Variants in TBC1D14 observed in about 807,000 individuals in gnomAD.
TBC1D14 encodes TBC1 domain family member 14.
Under a neutral mutation model 79.0 loss-of-function variants are expected in TBC1D14, and 26 were observed. The ratio of observed to expected loss-of-function variants is 0.33; its 90% CI spans 0.24 to 0.46. TBC1D14 has a LOEUF of 0.46. Ranked by LOEUF, TBC1D14 falls within the 20% of genes least tolerant of loss-of-function variation. TBC1D14 has a pLI of 1.00. For missense variants in TBC1D14, 769 were observed against 887.6 expected (o/e 0.87, Z 1.70); for synonymous variants, 394 against 349.9 (o/e 1.13, Z -1.40).
chr4:6,915,586 G>A (rs890575190), intron 1 of TBC1D14, among the ~76,000 whole-genome samples: 2 of 152,150 alleles, frequency 1.3e-5, no homozygotes, highest in African/African-American at 4.8e-5. Flanking sequence ...TTCCTCCTCT[G>A]GGTAATGGGC....
intron 3 of TBC1D14, chr4:6,987,107 C>T (rs1717918622): frequency 8.6e-7 from 1 of 1,162,988 alleles, no homozygotes; most frequent in Non-Finnish European, 1.1e-6. Flanking sequence ...CCCCTCGCCG[C>T]TCATCAGCCC....
At chr4:7,027,552 ACAC>A (rs773978479) in intron 13 of TBC1D14, among the ~76,000 whole-genome samples, 56 of 142,522 alleles carry the variant, frequency 3.9e-4, no homozygotes, top group Non-Finnish European at 4.0e-4. Context: ...CAATCACCAC[ACAC>A]CACAATCACC....
rs1316493372 is a variant in TBC1D14, at chr4:7,032,342, C to A, written c.*1950C>A. 6.6e-6 allele frequency: 1 copy of A among 152,654 alleles called. No individual in the cohort carries two copies. The highest frequency in any genetic ancestry group is 2.4e-5 in the African/African-American group (1 of 41,452). 9.5% of individuals were successfully genotyped at this position (152,654 alleles called of 1,614,324 possible). A position where few individuals can be genotyped will look rare whatever the true frequency, so the allele number is the denominator to read the frequency against. On this transcript the variant is annotated 3_prime_UTR_variant, in exon 14 of 14. Coordinates refer to ENST00000409757, the MANE Select transcript of TBC1D14 (RefSeq NM_020773.3). Reference sequence around the variant, plus strand: ...CCTTAAAGATGTATATATTTTCTTACTGTACATAAAGATGTTCCTTAAGTC... The same window carrying A: ...CCTTAAAGATGTATATATTTTCTTAATGTACATAAAGATGTTCCTTAAGTC...
chr4:6,949,682 CAA>C (rs10657086), intron 2 of TBC1D14, among the ~76,000 whole-genome samples: 11 of 138,432 alleles, frequency 7.9e-5, no homozygotes, highest in African/African-American at 2.9e-4. Context: ...GACTCCGTCT[CAA>C]AAAAAAAAAA....
intron 2 of TBC1D14, among the ~76,000 whole-genome samples, chr4:6,948,563 G>C (rs954927459): frequency 1.4e-5 from 2 of 147,604 alleles, no homozygotes; most frequent in Non-Finnish European, 3.0e-5. Flanking sequence ...TGGCGTGTGC[G>C]TGCCTGGGGG....
chr4:7,010,519 G>T, intron 10 of TBC1D14, 134 bp from the exon 11 acceptor site: 1 of 1,083,862 alleles, frequency 9.2e-7, no homozygotes, highest in Non-Finnish European at 1.3e-6. Flanking sequence ...TCAGCGTTGG[G>T]TGGCCGGAGG....
chr4:7,019,333 A>G (rs774653531), intron 12 of TBC1D14, among the ~76,000 whole-genome samples: 1 of 152,048 alleles, frequency 6.6e-6, no homozygotes, highest in Non-Finnish European at 1.5e-5. Flanking sequence ...GTTCCCATTT[A>G]AAAGGAAAGG....
At chr4:6,976,543 T>C (rs1013624672) in intron 3 of TBC1D14, among the ~76,000 whole-genome samples, 42 of 152,312 alleles carry the variant, frequency 2.8e-4, no homozygotes, top group Admixed American at 2.6e-3. Context: ...AAAAGAACTG[T>C]CAACCCAAAT....
intron 3 of TBC1D14, among the ~76,000 whole-genome samples, chr4:6,990,970 G>T (rs1718430769): frequency 6.6e-6 from 1 of 152,184 alleles, no homozygotes; most frequent in Non-Finnish European, 1.5e-5. Flanking sequence ...AAGTTGGTTT[G>T]TCTGGCCTGG....
intron 2 of TBC1D14, among the ~76,000 whole-genome samples, chr4:6,938,119 C>T (rs1453638833): frequency 2.6e-5 from 4 of 152,142 alleles, no homozygotes; most frequent in African/African-American, 9.7e-5. Context: ...GCTGGCCTTG[C>T]CGAGACACAG....
intron 12 of TBC1D14, among the ~76,000 whole-genome samples, chr4:7,023,012 T>TTGGTAGGCTA (rs1721982465): frequency 6.6e-6 from 1 of 152,144 alleles, no homozygotes; most frequent in East Asian, 1.9e-4. Flanking sequence ...TCCCAGCACT[T>TTGGTAGGCTA]TGGTAGGCTA....
In TBC1D14 at chr4:6,977,969, C is replaced by T. The variant is rs1203352656; in HGVS notation, c.843+10545C>T. On this transcript the variant is annotated intron_variant, in intron 3 of 13. Transcript: ENST00000409757. ...GTGAGGAGACCCTCTGCCTGGCAACCGCCCCGTCTGAGAAGTGAGGAGCCC... is the reference window on the plus strand; with the variant it reads ...GTGAGGAGACCCTCTGCCTGGCAACTGCCCCGTCTGAGAAGTGAGGAGCCC... Among the ~76,000 whole-genome samples the T allele has an allele frequency of 1.4e-3, 211 of 151,176 alleles. 3 individuals are homozygous for T. The highest frequency in any genetic ancestry group is 2.3e-3 in the Non-Finnish European group (154 of 67,752).
At chr4:6,984,920 G>A (rs1240831789) in intron 3 of TBC1D14, among the ~76,000 whole-genome samples, 1 of 152,202 alleles carries the variant, frequency 6.6e-6, no homozygotes, top group East Asian at 1.9e-4. Context: ...CGTTGTGTAC[G>A]ATTGTGAACG....
chr4:6,983,669 T>C (rs1026019107), intron 3 of TBC1D14, among the ~76,000 whole-genome samples: 1 of 152,212 alleles, frequency 6.6e-6, no homozygotes, highest in Non-Finnish European at 1.5e-5. Context: ...TTACATATCA[T>C]ACTTCCACAT....
intron 2 of TBC1D14, among the ~76,000 whole-genome samples, chr4:6,933,803 C>G (rs775387960): frequency 2.6e-5 from 4 of 152,120 alleles, no homozygotes; most frequent in Non-Finnish European, 5.9e-5. Flanking sequence ...AGGTGCTGTA[C>G]TGAGAGGAGG....
chr4:6,956,856 G>A (rs962207590), intron 2 of TBC1D14, among the ~76,000 whole-genome samples: 5 of 152,232 alleles, frequency 3.3e-5, no homozygotes, highest in African/African-American at 4.8e-5. Context: ...CAAGAGAGCC[G>A]CGGTTCCTCA....
chr4:6,961,387 AC>A (rs533323495), intron 2 of TBC1D14, among the ~76,000 whole-genome samples: 1 of 148,016 alleles, frequency 6.8e-6, no homozygotes, highest in Non-Finnish European at 1.5e-5. Flanking sequence ...GTCAACTGTG[AC>A]CCCCCAAATC....
At chr4:7,004,971 T>C in intron 8 of TBC1D14, 47 bp downstream of exon 8, 1 of 1,545,386 alleles carries the variant, frequency 6.5e-7, no homozygotes, top group Non-Finnish European at 8.9e-7. Flanking sequence ...CAATTATGTT[T>C]GTCATTCTTT....
At chr4:6,955,666 G>A (rs1045937820) in intron 2 of TBC1D14, among the ~76,000 whole-genome samples, 1 of 152,046 alleles carries the variant, frequency 6.6e-6, no homozygotes, top group African/African-American at 2.4e-5. Context: ...CTGAGTAACT[G>A]CTGAAGTGCA....
Sources: gnomAD v4.1 joint callset for allele counts (sites outside exome capture counted in the v4.1 genomes callset) on GRCh38, gnomAD v4.1.1 for gene constraint, MANE v1.5 for transcripts, NCBI Gene and HGNC (gene_info 2026-07-23, HGNC 2026-07-21) for gene names.